Variants in PLXNA4 observed in about 807,000 individuals in gnomAD.
PLXNA4 encodes the protein plexin-A4.
PLXNA4 carries 44 observed loss-of-function variants against 191.8 expected under a neutral mutation model. The observed-to-expected ratio is 0.23, with a 90% CI of 0.18 to 0.29. The LOEUF (loss-of-function observed/expected upper bound fraction) is 0.29, where lower values mean the gene tolerates loss of function less well. PLXNA4 is among the 10% of genes least tolerant of loss of function. The pLI is 1.00. For missense variants in PLXNA4, 1,800 were observed against 2,488.8 expected, an observed-to-expected ratio of 0.72 and a Z score of 5.89; for synonymous variants, 1,082 against 1,009.5, an observed-to-expected ratio of 1.07 and a Z score of -1.36.
chr7:132,562,536 TCTTTCTCCTCCTCCTCCTTCTCTTCCTC>T (rs1801252888), intron 1 of PLXNA4, among the ~76,000 whole-genome samples: 1 of 124,720 alleles, frequency 8.0e-6, no homozygotes, highest in Admixed American at 7.6e-5. Context: ...CTCCTTCTCC[TCTTTCTCCTCCTCCTCCTTCTCTTCCTC>T]CTTTCTCCTC....
At chr7:132,185,857 A>T (rs1172527085) in intron 15 of PLXNA4, among the ~76,000 whole-genome samples, 2 of 152,258 alleles carry the variant, frequency 1.3e-5, no homozygotes, top group South Asian at 2.1e-4. Context: ...GTGATTTTTC[A>T]TTCACTGAGC....
chr7:132,560,119 C>G (rs912284831), intron 1 of PLXNA4, among the ~76,000 whole-genome samples: 2 of 152,304 alleles, frequency 1.3e-5, no homozygotes, highest in Admixed American at 6.5e-5. Context: ...GGACATTATT[C>G]CTAATGGGCA....
intron 4 of PLXNA4, among the ~76,000 whole-genome samples, chr7:132,252,204 T>C (rs771183487): frequency 6.6e-6 from 1 of 151,814 alleles, no homozygotes; most frequent in African/African-American, 2.4e-5. Flanking sequence ...ACAGGCAAAA[T>C]GTATCTTCTT....
chr7:132,396,048 G>A (rs1379534629), intron 3 of PLXNA4, among the ~76,000 whole-genome samples: 6 of 152,142 alleles, frequency 3.9e-5, no homozygotes, highest in Non-Finnish European at 8.8e-5. Context: ...GACTTCCTGG[G>A]ACACACAGCT....
At chr7:132,247,628 T>C (rs1799104595) in intron 4 of PLXNA4, among the ~76,000 whole-genome samples, 1 of 152,122 alleles carries the variant, frequency 6.6e-6, no homozygotes, top group South Asian at 2.1e-4. Context: ...CTTGGGGAGC[T>C]CCTCAAAGCA....
At chr7:132,251,596 C>A in intron 4 of PLXNA4, among the ~76,000 whole-genome samples, 1 of 152,214 alleles carries the variant, frequency 6.6e-6, no homozygotes, top group East Asian at 1.9e-4. Context: ...TGACTTCCTT[C>A]TAGCAAGGGC....
At chr7:132,564,428 C>A (rs1359626204) in intron 1 of PLXNA4, among the ~76,000 whole-genome samples, 1 of 151,746 alleles carries the variant, frequency 6.6e-6, no homozygotes, top group African/African-American at 2.4e-5. Flanking sequence ...TCTCCAGGAG[C>A]CCTTCTTCAT....
In PLXNA4 at chr7:132,174,850, C is replaced by T. The variant is rs1447524901; in HGVS notation, c.3945G>A (p.Leu1315=). Residue 1315 remains leucine, a synonymous_variant, in exon 21 of 32, where the codon CTG becomes CTA. Coordinates refer to ENST00000321063, the MANE Select transcript of PLXNA4 (RefSeq NM_020911.2). ...CCCGCATGGTGTAAGTTCTATAGTC[C>T]AGGAACGGAATCCCGGCTCCATCCA... ...SDLDGAGIPF[L]DYRTYTMRVL... The T allele has an allele frequency of 1.2e-6, 2 of 1,614,180 alleles. No homozygotes were observed. The highest frequency in any genetic ancestry group is 1.7e-6 in the Non-Finnish European group (2 of 1,180,040).
At chr7:132,248,780 G>A (rs1004898912) in intron 4 of PLXNA4, among the ~76,000 whole-genome samples, 1 of 152,182 alleles carries the variant, frequency 6.6e-6, no homozygotes, top group East Asian at 1.9e-4. Flanking sequence ...TCCAGATGTG[G>A]TCAGCTGTCC....
rs115713213 is a variant in PLXNA4, at chr7:132,305,976, T to C, written c.1372-7754A>G. Among the ~76,000 whole-genome samples, 672 of 152,172 alleles carry C rather than the reference T, an allele frequency of 4.4e-3. 10 individuals carry two copies. The highest frequency in any genetic ancestry group is 0.015 in the African/African-American group (628 of 41,516). On this transcript the variant is annotated intron_variant, in intron 3 of 31. Transcript: ENST00000321063. ...TATCCAACAGGCAGGGAAATAGAGC[T>C]GGAACTGTAGATGGAGAGGGGAACA...
intron 9 of PLXNA4, among the ~76,000 whole-genome samples, chr7:132,211,784 C>T (rs988042351): frequency 6.6e-5 from 10 of 152,186 alleles, no homozygotes. Flanking sequence ...ACTCTGAGCT[C>T]TTTCTGGATG....
chr7:132,159,770 A>G, intron 24 of PLXNA4, 138 bp from the exon 25 acceptor site: 1 of 1,423,714 alleles, frequency 7.0e-7, no homozygotes, highest in Non-Finnish European at 9.4e-7. Context: ...GGGTGGCTCC[A>G]GGCCATCTGT....
chr7:132,236,501 C>G (rs751177368), intron 5 of PLXNA4, among the ~76,000 whole-genome samples: 1 of 152,180 alleles, frequency 6.6e-6, no homozygotes, highest in Non-Finnish European at 1.5e-5. Context: ...TAGCAAGCAA[C>G]CGAGTCACTT....
chr7:132,379,948 C>T (rs1342358833), intron 3 of PLXNA4, among the ~76,000 whole-genome samples: 5 of 152,176 alleles, frequency 3.3e-5, no homozygotes, highest in African/African-American at 1.2e-4. Flanking sequence ...TCTTGGGCTT[C>T]ATATGTTCTT....
chr7:132,161,257 C>A (rs918595112), intron 24 of PLXNA4, among the ~76,000 whole-genome samples: 2 of 152,258 alleles, frequency 1.3e-5, no homozygotes, highest in African/African-American at 4.8e-5. Context: ...AATCCCCTGG[C>A]ATTTCTAATT....
chr7:132,381,060 A>T (rs1358038134), intron 3 of PLXNA4, among the ~76,000 whole-genome samples: 1 of 152,264 alleles, frequency 6.6e-6, no homozygotes, highest in East Asian at 1.9e-4. Context: ...TTTATCTACC[A>T]TGGACTATAA....
rs1244894900 is a variant in PLXNA4, at chr7:132,182,209, G to A, written c.3159-19C>T. 6.2e-7 allele frequency: 1 copy of A among 1,613,536 alleles called. No homozygotes were observed. Among genetic ancestry groups the A allele is most frequent in the Admixed American group, 1.7e-5 (1 of 59,996 alleles). On this transcript the variant is annotated intron_variant, in intron 16 of 31. Coordinates refer to ENST00000321063, the MANE Select transcript of PLXNA4 (RefSeq NM_020911.2). ...GTTTCCACTGAGCAGGAAGAAAGAA[G>A]GAGATGTGTAAATGATAAGTTCAGG...
At chr7:132,591,393 T>G (rs1802601319) in intron 2 of PLXNA4, among the ~76,000 whole-genome samples, 1 of 152,208 alleles carries the variant, frequency 6.6e-6, no homozygotes, top group Non-Finnish European at 1.5e-5. Context: ...AAGCAGGCTG[T>G]GAAGAGCACA....
At chr7:132,350,044 T>C (rs1803419305) in intron 3 of PLXNA4, among the ~76,000 whole-genome samples, 1 of 152,186 alleles carries the variant, frequency 6.6e-6, no homozygotes, top group African/African-American at 2.4e-5. Flanking sequence ...CCACATTCTC[T>C]GAGTGAATCT....
Sources: allele counts gnomAD v4.1 joint callset (sites outside exome capture counted in the v4.1 genomes callset), GRCh38; gene constraint gnomAD v4.1.1; transcripts MANE v1.5; gene names NCBI Gene and HGNC (gene_info 2026-07-23, HGNC 2026-07-21).